DNAH14: variants seen among roughly 807,000 people sequenced by gnomAD.
DNAH14 encodes the protein dynein axonemal heavy chain 14, also known as axonemal beta dynein heavy chain 14.
DNAH14 carries 478 observed loss-of-function variants against 520.9 expected under a neutral mutation model. The observed-to-expected ratio is 0.92, with a 90% confidence interval of 0.85 to 0.99. DNAH14 has a LOEUF of 0.99. DNAH14 is among the 50% of genes least tolerant of loss of function. The pLI is 0.00. For synonymous variants in DNAH14, 1,581 were observed against 1,757.2 expected, an observed-to-expected ratio of 0.90 and a Z score of 2.51; for missense variants, 4,831 against 5,234.5, an observed-to-expected ratio of 0.92 and a Z score of 2.38.
At chr1:225,322,590 G>A in intron 61 of DNAH14, 74 bp from the exon 62 acceptor site, 2 of 1,332,846 alleles carry the variant, frequency 1.5e-6, no homozygotes, top group Non-Finnish European at 2.0e-6. Context: ...TGTGTATATT[G>A]TCTTCTGAGA....
chr1:225,073,657 AG>A (rs2071829952), intron 17 of DNAH14, among the ~76,000 whole-genome samples: 1 of 149,296 alleles, frequency 6.7e-6, no homozygotes. Context: ...TGTTGTTTTC[AG>A]TTTTTTGTTG....
chr1:225,179,952 G>A (rs1452224605), intron 36 of DNAH14, among the ~76,000 whole-genome samples: 1 of 151,904 alleles, frequency 6.6e-6, no homozygotes, highest in African/African-American at 2.4e-5. Flanking sequence ...CCTCTGGCCT[G>A]TAAGGTTTCC....
intron 1 of DNAH14, among the ~76,000 whole-genome samples, chr1:224,946,125 C>G (rs1480620882): frequency 6.6e-6 from 1 of 152,184 alleles, no homozygotes; most frequent in African/African-American, 2.4e-5. Context: ...CCTCTTTGAG[C>G]TGTGGTGGGC....
intron 47 of DNAH14, among the ~76,000 whole-genome samples, chr1:225,264,702 G>C (rs564522943): frequency 6.6e-6 from 1 of 152,054 alleles, no homozygotes; most frequent in African/African-American, 2.4e-5. Flanking sequence ...CTAGTTTTGG[G>C]AACAGCAACT....
intron 41 of DNAH14, among the ~76,000 whole-genome samples, chr1:225,211,021 G>C (rs954728054): frequency 2.6e-5 from 4 of 152,170 alleles, no homozygotes; most frequent in Non-Finnish European, 5.9e-5. Flanking sequence ...AAAGACCAAA[G>C]GTAGATAAAT....
Position 225,337,328 on chromosome 1 carries a change from G to A in DNAH14, c.10143G>A (p.Leu3381=), listed in dbSNP as rs1558447156. ...AGTATTCAGTAGAGAATGCCATCTTGATCAAGAATGGCCAGCAGTGGCCAC... is the reference window on the plus strand; with the variant it reads ...AGTATTCAGTAGAGAATGCCATCTTAATCAAGAATGGCCAGCAGTGGCCAC... The part of the protein sequence containing the change: ...HGQYSVENAI[L]IKNGQQWPLL... The change falls in exon 67 of 86, where the codon TTG becomes TTA. Residue 3381 remains leucine (L), a synonymous_variant. Transcript: ENST00000682510. 1 of 1,551,806 alleles carries A rather than the reference G, an allele frequency of 6.4e-7. No homozygotes were observed. Among genetic ancestry groups the A allele is most frequent in the Admixed American group, 2.0e-5 (1 of 50,998 alleles).
chr1:224,969,314 A>AC (rs1436200310), intron 7 of DNAH14: 1 of 157,490 alleles, frequency 6.3e-6, no homozygotes, highest in African/African-American at 2.4e-5. Flanking sequence ...AGGGGCTCTG[A>AC]CCCCCTACAC....
intron 55 of DNAH14, among the ~76,000 whole-genome samples, chr1:225,298,298 C>G (rs1215270483): frequency 6.6e-6 from 1 of 152,150 alleles, no homozygotes; most frequent in Non-Finnish European, 1.5e-5. Context: ...ACTTGTGGGG[C>G]TATTTCTCAG....
intron 71 of DNAH14, among the ~76,000 whole-genome samples, chr1:225,348,319 C>T (rs1276214647): frequency 6.6e-6 from 1 of 151,784 alleles, no homozygotes; most frequent in African/African-American, 2.4e-5. Context: ...TTTGAAGAAA[C>T]AATCGCTAAA....
intron 41 of DNAH14, among the ~76,000 whole-genome samples, chr1:225,222,227 G>T (rs773256797): frequency 2.0e-4 from 31 of 152,166 alleles, no homozygotes; most frequent in Non-Finnish European, 3.4e-4. Flanking sequence ...GTAAGTCATT[G>T]GTGCCCGCTT....
At chr1:225,377,929 T>C (rs2095723389) in intron 79 of DNAH14, among the ~76,000 whole-genome samples, 1 of 152,130 alleles carries the variant, frequency 6.6e-6, no homozygotes. Flanking sequence ...AATCTTTGAG[T>C]AACTTTTATA....
intron 16 of DNAH14, 116 bp downstream of exon 16, chr1:225,050,492 A>G (rs992713455): frequency 3.6e-6 from 4 of 1,104,964 alleles, no homozygotes; most frequent in Non-Finnish European, 3.7e-6. Context: ...CAATTGAAAA[A>G]TCATTTCCAG....
intron 23 of DNAH14, among the ~76,000 whole-genome samples, chr1:225,108,736 A>C (rs910215975): frequency 6.6e-6 from 1 of 151,940 alleles, no homozygotes; most frequent in Non-Finnish European, 1.5e-5. Context: ...CCATTTGTCC[A>C]TTTTTCCTGT....
chr1:224,979,635 A>G (rs550045766), intron 8 of DNAH14, among the ~76,000 whole-genome samples: 8 of 152,268 alleles, frequency 5.3e-5, no homozygotes, highest in African/African-American at 1.9e-4. Context: ...GGGGCACCCA[A>G]CCTAGTGAGA....
chr1:225,266,563 C>T lies in DNAH14; in HGVS notation c.7411-78C>T, dbSNP rs959026426. On this transcript the variant is annotated intron_variant, in intron 48 of 85. Transcript: ENST00000682510. ...TAATATTCCTAATTTGTGCTTACCCCAACCATAATATTCCTAATTCATAAT... is the reference window on the plus strand; with the variant it reads ...TAATATTCCTAATTTGTGCTTACCCTAACCATAATATTCCTAATTCATAAT... The T allele has an allele frequency of 4.2e-5, 48 of 1,146,324 alleles. No homozygotes were observed. In the African/African-American group the frequency reaches 7.8e-4, roughly 19 times the overall value. 71.0% of individuals were successfully genotyped at this position (1,146,324 alleles called of 1,614,324 possible). A position where few individuals can be genotyped will look rare whatever the true frequency, so the allele number is the denominator to read the frequency against.
chr1:225,332,407 G>A (rs150876754), intron 65 of DNAH14, among the ~76,000 whole-genome samples: 234 of 152,044 alleles, frequency 1.5e-3, no homozygotes, highest in African/African-American at 5.3e-3. Context: ...AAAACAGAGG[G>A]CTCTTGCTTA....
At chr1:224,999,757 GTATAAGATTATATA>G (rs1416596619) in intron 8 of DNAH14, among the ~76,000 whole-genome samples, 3 of 151,828 alleles carry the variant, frequency 2.0e-5, no homozygotes, top group Non-Finnish European at 4.4e-5. Context: ...GGTTGCTATA[GTATAAGATTATATA>G]TATATTACAG....
At chr1:225,286,373 C>T (rs775701651) in intron 54 of DNAH14, among the ~76,000 whole-genome samples, 3 of 152,034 alleles carry the variant, frequency 2.0e-5, no homozygotes, top group Non-Finnish European at 4.4e-5. Context: ...GATTATTATA[C>T]ATTATATGTT....
intron 84 of DNAH14, among the ~76,000 whole-genome samples, chr1:225,393,969 C>T (rs180970346): frequency 6.6e-6 from 1 of 152,092 alleles, no homozygotes; most frequent in African/African-American, 2.4e-5. Context: ...CAGGCGCCCA[C>T]CACCACACCC....
Sources: gnomAD v4.1 joint callset for allele counts (sites outside exome capture counted in the v4.1 genomes callset) on GRCh38, gnomAD v4.1.1 for gene constraint, MANE v1.5 for transcripts, NCBI Gene and HGNC (gene_info 2026-07-23, HGNC 2026-07-21) for gene names.